EPHA5: variants seen among roughly 807,000 people sequenced by gnomAD.
EPHA5 encodes the protein EPH receptor A5.
A neutral mutation model predicts 105.0 loss-of-function variants in EPHA5; 60 were observed. The observed-to-expected ratio is 0.57, with a 90% CI of 0.46 to 0.71. The LOEUF (loss-of-function observed/expected upper bound fraction) is 0.71, where lower values mean the gene tolerates loss of function less well. EPHA5 is among the 30% of genes least tolerant of loss of function. EPHA5 has a pLI of 0.00. For missense variants in EPHA5, 1,218 were observed against 1,274.7 expected (o/e 0.96, Z 0.68); for synonymous variants, 513 against 449.1 (o/e 1.14, Z -1.80).
intron 3 of EPHA5, among the ~76,000 whole-genome samples, chr4:65,540,962 G>A (rs1234561379): frequency 6.6e-6 from 1 of 150,828 alleles, no homozygotes; most frequent in Admixed American, 6.7e-5. Flanking sequence ...ACAAAGAAAA[G>A]ATCATAAAGA....
chr4:65,480,054 A>G (rs1329824791), intron 5 of EPHA5, among the ~76,000 whole-genome samples: 1 of 152,094 alleles, frequency 6.6e-6, no homozygotes, highest in African/African-American at 2.4e-5. Flanking sequence ...CCCTCAACAC[A>G]TGAGATACAA....
At chr4:65,468,565 AT>A (rs1296246155) in intron 5 of EPHA5, among the ~76,000 whole-genome samples, 4 of 52,412 alleles carry the variant, frequency 7.6e-5, no homozygotes, top group Admixed American at 2.7e-4. Context: ...TATATTATAT[AT>A]TATATATATA....
At chr4:65,453,306 CAAT>C (rs1333819044) in intron 5 of EPHA5, among the ~76,000 whole-genome samples, 2 of 152,134 alleles carry the variant, frequency 1.3e-5, no homozygotes, top group Non-Finnish European at 2.9e-5. Context: ...CATGTTTTTA[CAAT>C]CTGTCACGTC....
At chr4:65,429,794 A>G (rs2149059987) in intron 5 of EPHA5, among the ~76,000 whole-genome samples, 1 of 152,182 alleles carries the variant, frequency 6.6e-6, no homozygotes, top group East Asian at 1.9e-4. Flanking sequence ...CGCTGATACC[A>G]TCTGACATGA....
intron 2 of EPHA5, among the ~76,000 whole-genome samples, chr4:65,627,842 A>G (rs2149486512): frequency 6.6e-6 from 1 of 152,262 alleles, no homozygotes; most frequent in Non-Finnish European, 1.5e-5. Flanking sequence ...TCTAGTGTTA[A>G]TATCTTTGTG....
intron 16 of EPHA5, 88 bp from the exon 17 acceptor site, chr4:65,324,307 C>T (rs907693638): frequency 8.5e-6 from 7 of 826,656 alleles, no homozygotes; most frequent in African/African-American, 3.4e-5. Flanking sequence ...AAACATAGTG[C>T]AGACACTAGT....
In EPHA5 at chr4:65,320,667, T is replaced by C. The variant is rs1254804816; in HGVS notation, c.*3447A>G. ...GTGTTAAAAATATTTTACTTTCACA[T>C]ACAGATTAAGTAGAAGACATGAAAA... On this transcript the variant is annotated 3_prime_UTR_variant, in exon 17 of 17. Coordinates refer to ENST00000613740, the MANE Select transcript of EPHA5 (RefSeq NM_001281766.3). The C allele has an allele frequency of 4.4e-6, 1 of 229,848 alleles. No homozygotes were observed. The highest frequency in any genetic ancestry group is 6.1e-5 in the East Asian group (1 of 16,274). 14.2% of individuals were successfully genotyped at this position (229,848 alleles called of 1,614,324 possible). A position where few individuals can be genotyped will look rare whatever the true frequency, so the allele number is the denominator to read the frequency against.
In EPHA5 at chr4:65,626,608, T is replaced by G. The variant is rs530859147; in HGVS notation, c.246+16755A>C. The stretch of plus-strand genomic sequence containing the variant: ...TGCATCTACAACTATATCAAGAAAT[T>G]AAGTTCAAAATCATGATTTCAAGGT... On this transcript the variant is annotated intron_variant, in intron 2 of 16. Transcript: ENST00000613740. Among the ~76,000 whole-genome samples, 4 of 152,302 alleles carry G rather than the reference T, an allele frequency of 2.6e-5. No homozygotes were observed. The South Asian group carries it at 8.3e-4, about 32-fold the overall frequency.
chr4:65,348,842 G>T (rs1722544968), intron 13 of EPHA5, among the ~76,000 whole-genome samples: 1 of 98,012 alleles, frequency 1.0e-5, no homozygotes, highest in Non-Finnish European at 2.0e-5. Flanking sequence ...TTGAGACAGG[G>T]TCTCGCTCTG....
chr4:65,646,323 C>T (rs965603546), intron 1 of EPHA5, among the ~76,000 whole-genome samples: 1 of 152,146 alleles, frequency 6.6e-6, no homozygotes, highest in Non-Finnish European at 1.5e-5. Flanking sequence ...TTCAGAAGAG[C>T]TGAATAGCTG....
chr4:65,507,399 T>C (rs1733148753), intron 3 of EPHA5, among the ~76,000 whole-genome samples: 1 of 152,176 alleles, frequency 6.6e-6, no homozygotes. Flanking sequence ...TCCAATTCTG[T>C]GAAGAAAGCC....
chr4:65,417,654 T>A (rs1405096905), intron 6 of EPHA5, among the ~76,000 whole-genome samples: 4 of 152,202 alleles, frequency 2.6e-5, no homozygotes, highest in African/African-American at 9.6e-5. Flanking sequence ...ACAGATCATA[T>A]AATGGAATAT....
At chr4:65,517,042 A>G (rs772962906) in intron 3 of EPHA5, among the ~76,000 whole-genome samples, 43 of 152,126 alleles carry the variant, frequency 2.8e-4, no homozygotes, top group African/African-American at 7.2e-5. Flanking sequence ...TACTTGTTGT[A>G]TCAATTACTT....
chr4:65,590,117 T>G (rs1336504439), intron 3 of EPHA5, among the ~76,000 whole-genome samples: 1 of 152,210 alleles, frequency 6.6e-6, no homozygotes, highest in Non-Finnish European at 1.5e-5. Flanking sequence ...AATGGAGTTA[T>G]CCGTCAGTCA....
chr4:65,416,080 C>T (rs2149026173), intron 6 of EPHA5, among the ~76,000 whole-genome samples: 1 of 152,046 alleles, frequency 6.6e-6, no homozygotes, highest in Non-Finnish European at 1.5e-5. Context: ...GCAGTAGTAA[C>T]TCTCAGTAAG....
chr4:65,534,832 T>C (rs1736143500), intron 3 of EPHA5, among the ~76,000 whole-genome samples: 1 of 152,258 alleles, frequency 6.6e-6, no homozygotes, highest in East Asian at 1.9e-4. Context: ...TAAATGGATA[T>C]ATTATGTTCA....
Position 65,669,930 on chromosome 4 carries a change from C to T in EPHA5, c.-188G>A. ...TGAGACAGCTGAAGTTTGCTTCTGG[C>T]TCCTCTCGCCTCCCCCTTTGGTGGG... On this transcript the variant is annotated 5_prime_UTR_variant, in exon 1 of 17. Coordinates refer to ENST00000613740, the MANE Select transcript of EPHA5 (RefSeq NM_001281766.3). 1.2e-6 allele frequency: 1 copy of T among 800,224 alleles called. No homozygotes were observed. Among genetic ancestry groups the T allele is most frequent in the Non-Finnish European group, 1.7e-6 (1 of 594,418 alleles). 49.6% of individuals were successfully genotyped at this position (800,224 alleles called of 1,614,324 possible). A position where few individuals can be genotyped will look rare whatever the true frequency, so the allele number is the denominator to read the frequency against.
chr4:65,604,872 T>A (rs1179092875), intron 2 of EPHA5, among the ~76,000 whole-genome samples: 1 of 152,214 alleles, frequency 6.6e-6, no homozygotes, highest in African/African-American at 2.4e-5. Context: ...TAGGAATCAA[T>A]ATTTTCTGTT....
At chr4:65,663,294 T>C (rs945949048) in intron 1 of EPHA5, among the ~76,000 whole-genome samples, 7 of 152,112 alleles carry the variant, frequency 4.6e-5, no homozygotes, top group Non-Finnish European at 1.5e-5. Context: ...TTTAAAATCA[T>C]TTCACAAAGT....
Sources: gnomAD v4.1 joint callset for allele counts (sites outside exome capture counted in the v4.1 genomes callset) on GRCh38, gnomAD v4.1.1 for gene constraint, MANE v1.5 for transcripts, NCBI Gene and HGNC (gene_info 2026-07-23, HGNC 2026-07-21) for gene names.